Variants in STAP1 observed in about 807,000 individuals in gnomAD.
The protein encoded by STAP1 is signal-transducing adaptor protein 1.
STAP1 carries 30 observed loss-of-function variants against 37.8 expected under a neutral mutation model. The ratio of observed to expected loss-of-function variants is 0.79; its 90% confidence interval spans 0.59 to 1.08. The LOEUF (loss-of-function observed/expected upper bound fraction) is 1.08, where lower values mean the gene tolerates loss of function less well. Among genes scored for constraint, STAP1 ranks in the 50% least tolerant of loss-of-function variants. The pLI is 0.00. For synonymous variants in STAP1, 130 were observed against 116.0 expected, an observed-to-expected ratio of 1.12 and a Z score of -0.78; for missense variants, 357 against 349.4, an observed-to-expected ratio of 1.02 and a Z score of -0.17.
chr4:67,562,341 CAAAAAAA>C (rs1025713141), intron 1 of STAP1, among the ~76,000 whole-genome samples: 1 of 149,354 alleles, frequency 6.7e-6, no homozygotes, highest in African/African-American at 2.5e-5. Flanking sequence ...AACTCCGTCT[CAAAAAAA>C]AAGGAAATTT....
intron 6 of STAP1, among the ~76,000 whole-genome samples, chr4:67,590,277 C>A (rs1057498012): frequency 1.3e-5 from 2 of 152,076 alleles, no homozygotes; most frequent in African/African-American, 4.8e-5. Flanking sequence ...AAGAGGAAGA[C>A]AATACGATTC....
chr4:67,583,036 C>T (rs1409895267), intron 5 of STAP1, among the ~76,000 whole-genome samples: 1 of 152,134 alleles, frequency 6.6e-6, no homozygotes, highest in South Asian at 2.1e-4. Context: ...ATTCAAGGAG[C>T]ATCTGTATAT....
chr4:67,563,049 G>GA (rs894537269), intron 1 of STAP1, among the ~76,000 whole-genome samples: 2 of 152,098 alleles, frequency 1.3e-5, no homozygotes, highest in African/African-American at 4.8e-5. Context: ...TTTTATTGGG[G>GA]ACAGAGGAAG....
At chr4:67,582,088 T>C (rs1288926954) in intron 5 of STAP1, among the ~76,000 whole-genome samples, 1 of 152,140 alleles carries the variant, frequency 6.6e-6, no homozygotes, top group Admixed American at 6.5e-5. Flanking sequence ...CAGGTTCTGT[T>C]GCATACTCTA....
chr4:67,581,935 G>T (rs1035501079), intron 5 of STAP1, among the ~76,000 whole-genome samples: 1 of 152,058 alleles, frequency 6.6e-6, no homozygotes, highest in Non-Finnish European at 1.5e-5. Flanking sequence ...TAAGGTGTTG[G>T]AAAAATAAAG....
At chr4:67,591,623 A>T (rs1728121042) in intron 7 of STAP1, among the ~76,000 whole-genome samples, 1 of 152,206 alleles carries the variant, frequency 6.6e-6, no homozygotes, top group Non-Finnish European at 1.5e-5. Context: ...AGATTGAGTC[A>T]GGAAAGTTGT....
chr4:67,581,389 A>C lies in STAP1; in HGVS notation c.448A>C (p.Ile150Leu), dbSNP rs755618194. 1.2e-6 allele frequency: 2 copies of C among 1,614,120 alleles called. No individual in the cohort carries two copies. Among genetic ancestry groups the C allele is most frequent in the Non-Finnish European group, 1.7e-6 (2 of 1,179,994 alleles). Residue 150 changes from isoleucine (I) to leucine (L), a missense_variant, in exon 5 of 9, where the codon ATT becomes CTT. Transcript: ENST00000265404. ...CCTAGAGAGAGAAAAGAAAAGGAGG[A>C]TTGAGACAGAGCAGAGTACGTCCGT... Reference protein sequence around the residue: ...EVLEREKKRRIETEQSTSVEK... With the variant: ...EVLEREKKRRLETEQSTSVEK...
chr4:67,563,240 A>G (rs1727391310), intron 1 of STAP1, among the ~76,000 whole-genome samples: 1 of 152,180 alleles, frequency 6.6e-6, no homozygotes, highest in African/African-American at 2.4e-5. Flanking sequence ...AAGAATAATT[A>G]CTCTCTTGCA....
chr4:67,564,042 G>A (rs1367762234), intron 1 of STAP1, among the ~76,000 whole-genome samples: 1 of 151,538 alleles, frequency 6.6e-6, no homozygotes, highest in Non-Finnish European at 1.5e-5. Flanking sequence ...TAGGTACCTA[G>A]ATGTTGTTTA....
rs977290256 is a variant in STAP1 at position 67,575,468 on chromosome 4, T to C, written c.276T>C (p.Leu92=). 2.5e-6 allele frequency: 4 copies of C among 1,611,510 alleles called. No individual in the cohort carries two copies. The highest frequency in any genetic ancestry group is 1.6e-4 in the Middle Eastern group (1 of 6,076). ...AAAAGAACTGTGCGAAATTCACCCT[T>C]GTTTTGCCGAAAGAGGAAGTACAAC... ...STEKNCAKFT[L]VLPKEEVQLK... is the part of the protein sequence containing the mutation. The change falls in exon 3 of 9, where the codon CTT becomes CTC. Residue 92 remains leucine, a synonymous_variant. Coordinates refer to ENST00000265404, the MANE Select transcript of STAP1 (RefSeq NM_012108.4).
At chr4:67,566,109 G>A (rs922415619) in intron 1 of STAP1, among the ~76,000 whole-genome samples, 3 of 151,390 alleles carry the variant, frequency 2.0e-5, no homozygotes, top group African/African-American at 4.9e-5. Context: ...CCACTACTCC[G>A]GCTAATTTTC....
At chr4:67,560,856 T>C (rs1727321283) in intron 1 of STAP1, among the ~76,000 whole-genome samples, 1 of 152,146 alleles carries the variant, frequency 6.6e-6, no homozygotes, top group South Asian at 2.1e-4. Flanking sequence ...ATCACGTTGT[T>C]CAGGTTGGTC....
At chr4:67,600,937 A>G (rs1227251799) in intron 8 of STAP1, among the ~76,000 whole-genome samples, 5 of 151,988 alleles carry the variant, frequency 3.3e-5, no homozygotes, top group Non-Finnish European at 2.9e-5. Flanking sequence ...GCCACTCTAT[A>G]TCTTTTGATT....
At position 67,590,679 on chromosome 4, in the gene STAP1, A is replaced by G. The variant is rs56279170; in HGVS notation, c.660-205A>G. Among the ~76,000 whole-genome samples, 574 of 151,488 alleles carry G rather than the reference A, an allele frequency of 3.8e-3. 4 individuals are homozygous for G. The highest frequency in any genetic ancestry group is 0.013 in the African/African-American group (554 of 41,350). On this transcript the variant is annotated intron_variant, in intron 6 of 8. Coordinates refer to ENST00000265404, the MANE Select transcript of STAP1 (RefSeq NM_012108.4). ...AATGACCCAGATTACCTATATCCCT[A>G]GTGAGTAGCCCCCACAAAAAGACAC...
chr4:67,559,817 T>C (rs1223007173), intron 1 of STAP1, among the ~76,000 whole-genome samples: 1 of 152,144 alleles, frequency 6.6e-6, no homozygotes, highest in East Asian at 1.9e-4. Context: ...GATTTATGAA[T>C]ACTTGTGGAA....
At chr4:67,570,169 T>C (rs1273864682) in intron 1 of STAP1, among the ~76,000 whole-genome samples, 1 of 152,206 alleles carries the variant, frequency 6.6e-6, no homozygotes, top group African/African-American at 2.4e-5. Flanking sequence ...GTAGAAGTAG[T>C]ATACTCTAAA....
intron 6 of STAP1, among the ~76,000 whole-genome samples, chr4:67,588,039 TAAAAAAAAAAAAA>T (rs3032636): frequency 2.3e-5 from 2 of 85,636 alleles, no homozygotes; most frequent in African/African-American, 5.0e-5. Flanking sequence ...CACATTTTCT[TAAAAAAAAAAAAA>T]AAAAAAAAAA....
chr4:67,562,629 G>A (rs1404196226), intron 1 of STAP1, among the ~76,000 whole-genome samples: 2 of 144,012 alleles, frequency 1.4e-5, no homozygotes, highest in African/African-American at 5.0e-5. Flanking sequence ...AAAATTAGCC[G>A]GGCGAGGTGG....
At chr4:67,589,505 A>T (rs934540866) in intron 6 of STAP1, among the ~76,000 whole-genome samples, 1 of 152,182 alleles carries the variant, frequency 6.6e-6, no homozygotes, top group African/African-American at 2.4e-5. Context: ...GAAGCGATTT[A>T]AAAAAAGAAG....
Sources: allele counts gnomAD v4.1 joint callset (sites outside exome capture counted in the v4.1 genomes callset), GRCh38; gene constraint gnomAD v4.1.1; transcripts MANE v1.5; gene names NCBI Gene and HGNC (gene_info 2026-07-23, HGNC 2026-07-21).